The following BMPR1B variants were observed in gnomAD, a reference collection of about 807,000 sequenced individuals.
BMPR1B encodes the protein bone morphogenetic protein receptor type-1B.
BMPR1B carries 12 observed loss-of-function variants against 59.1 expected under a neutral mutation model. That is an observed-to-expected ratio of 0.20 (90% CI 0.13 to 0.33). The LOEUF (loss-of-function observed/expected upper bound fraction) is 0.33. Ranked by LOEUF, BMPR1B falls within the 10% of genes least tolerant of loss-of-function variation. The pLI is 1.00. For missense variants in BMPR1B, 550 were observed against 610.9 expected, an observed-to-expected ratio of 0.90 and a Z score of 1.05; for synonymous variants, 237 against 207.3, an observed-to-expected ratio of 1.14 and a Z score of -1.23.
At chr4:94,912,993 A>G (rs1337834883) in intron 2 of BMPR1B, among the ~76,000 whole-genome samples, 1 of 151,700 alleles carries the variant, frequency 6.6e-6, no homozygotes, top group African/African-American at 2.4e-5. Flanking sequence ...TTTCAATGTC[A>G]GTTTTTGTTA....
intron 2 of BMPR1B, among the ~76,000 whole-genome samples, chr4:94,985,190 A>G (rs1219139990): frequency 1.3e-5 from 2 of 152,168 alleles, no homozygotes; most frequent in Non-Finnish European, 2.9e-5. Context: ...CTCTGTTGCC[A>G]GAGGAGGTCT....
At position 95,129,957 on chromosome 4, in the gene BMPR1B, G is replaced by T. The variant is rs1200045028; in HGVS notation, c.681G>T (p.Lys227Asn). 1.9e-6 allele frequency: 3 copies of T among 1,614,016 alleles called. No individual in the cohort carries two copies. The highest frequency in any genetic ancestry group is 1.7e-5 in the Admixed American group (1 of 59,968). Residue 227 changes from lysine (K) to asparagine (N), a missense_variant, in exon 9 of 13, where the codon AAG becomes AAT. Coordinates refer to ENST00000515059, the MANE Select transcript of BMPR1B (RefSeq NM_001203.3). ...GGATGGGAAAGTGGCGTGGCGAAAAGGTAGCTGTGAAAGTGTTCTTCACCA... is the reference window on the plus strand; with the variant it reads ...GGATGGGAAAGTGGCGTGGCGAAAATGTAGCTGTGAAAGTGTTCTTCACCA... ...EVWMGKWRGEKVAVKVFFTTE... is the reference protein window; with the variant it reads ...EVWMGKWRGENVAVKVFFTTE...
intron 2 of BMPR1B, among the ~76,000 whole-genome samples, chr4:94,969,057 A>T (rs1730672228): frequency 6.6e-6 from 1 of 150,558 alleles, no homozygotes; most frequent in Admixed American, 6.6e-5. Flanking sequence ...TTTTTTTGAG[A>T]CGGAGTCTTG....
chr4:94,802,531 T>C (rs571948961), intron 1 of BMPR1B, among the ~76,000 whole-genome samples: 1 of 152,274 alleles, frequency 6.6e-6, no homozygotes, highest in South Asian at 2.1e-4. Flanking sequence ...TGCTGAACTT[T>C]AAGGGATGGT....
At chr4:95,119,411 T>C (rs1433677433) in intron 6 of BMPR1B, among the ~76,000 whole-genome samples, 4 of 152,182 alleles carry the variant, frequency 2.6e-5, no homozygotes, top group African/African-American at 9.7e-5. Flanking sequence ...GAGGGAGGAA[T>C]GGAGGAAAAA....
chr4:95,138,488 G>A (rs4583767), intron 10 of BMPR1B, among the ~76,000 whole-genome samples: 97,618 of 151,964 alleles, frequency 0.64, 31,840 homozygotes, highest in Middle Eastern at 0.75. Flanking sequence ...CCTGGATAAT[G>A]TCCTGAAGAG....
rs112233105 is a variant in BMPR1B at position 94,975,291 on chromosome 4, T to C, written c.-112-20749T>C. 6.4e-3 allele frequency among the ~76,000 whole-genome samples: 981 copies of C among 152,234 alleles called. 5 individuals are homozygous for C. Among genetic ancestry groups the C allele is most frequent in the Non-Finnish European group, 9.1e-3 (617 of 68,010 alleles). ...GAGATTGAGGTTTTTGTCTGGAGAC[T>C]TGGATAATTTAGTGATCAAATCTGA... is the stretch of plus-strand genomic sequence containing the variant. On this transcript the variant is annotated intron_variant, in intron 2 of 12. Coordinates refer to ENST00000515059, the MANE Select transcript of BMPR1B (RefSeq NM_001203.3).
chr4:95,145,432 T>G (rs1447481774), intron 10 of BMPR1B, among the ~76,000 whole-genome samples: 1 of 152,214 alleles, frequency 6.6e-6, no homozygotes, highest in Admixed American at 6.5e-5. Flanking sequence ...CACCCTGCCC[T>G]TTTCTGCCTC....
chr4:94,811,474 T>C (rs914593741), intron 1 of BMPR1B, among the ~76,000 whole-genome samples: 1 of 152,220 alleles, frequency 6.6e-6, no homozygotes, highest in African/African-American at 2.4e-5. Context: ...TCCTGCTGTT[T>C]GCTCGAATAG....
intron 3 of BMPR1B, among the ~76,000 whole-genome samples, chr4:95,080,627 G>GTAA (rs1359628555): frequency 6.6e-6 from 1 of 152,102 alleles, no homozygotes; most frequent in Non-Finnish European, 1.5e-5. Context: ...TGCCAACATA[G>GTAA]TAATATTAAC....
intron 3 of BMPR1B, among the ~76,000 whole-genome samples, chr4:95,006,697 A>C (rs1005434714): frequency 2.0e-5 from 3 of 151,628 alleles, no homozygotes; most frequent in Non-Finnish European, 4.4e-5. Context: ...GCACCACCAC[A>C]CCTGGCTAAT....
Position 95,131,222 on chromosome 4 carries a change from T to C in BMPR1B, c.786T>C (p.Ile262=). The change falls in exon 10 of 13, where the codon ATT becomes ATC. Residue 262 remains isoleucine, a synonymous_variant. Transcript: ENST00000515059. ...LMRHENILGF[I]AADIKGTGSW... is the part of the protein sequence containing the mutation. Reference sequence around the variant, plus strand: ...CATCTTTTTTCCTTTTAGGTTTCATTGCTGCAGATATCAAAGGGACAGGGT... The same window carrying C: ...CATCTTTTTTCCTTTTAGGTTTCATCGCTGCAGATATCAAAGGGACAGGGT... 1 of 1,613,780 alleles carries C rather than the reference T, an allele frequency of 6.2e-7. No homozygotes were observed. The highest frequency in any genetic ancestry group is 1.7e-4 in the Middle Eastern group (1 of 6,060).
At chr4:95,125,235 A>T (rs573995134) in intron 8 of BMPR1B, 114 bp downstream of exon 8, 1 of 1,344,976 alleles carries the variant, frequency 7.4e-7, no homozygotes, top group Non-Finnish European at 1.0e-6. Context: ...AGCTCTATGC[A>T]GTCTGTTGGA....
At position 94,865,979 on chromosome 4, in the gene BMPR1B, A is replaced by G. The variant is rs28411193; in HGVS notation, c.-182-9852A>G. Among the ~76,000 whole-genome samples, 1,135 of 152,292 alleles carry G rather than the reference A, an allele frequency of 7.5e-3. 17 individuals are homozygous for G. The highest frequency in any genetic ancestry group is 0.026 in the African/African-American group (1,084 of 41,546). ...TACTTACTGAGTACCCCCCAAGACAAACAAACAAGTACATGTCATAAAGTC... is the reference window on the plus strand; with the variant it reads ...TACTTACTGAGTACCCCCCAAGACAGACAAACAAGTACATGTCATAAAGTC... On this transcript the variant is annotated intron_variant, in intron 1 of 12. Transcript: ENST00000515059.
chr4:95,051,455 A>T (rs1334070614), intron 3 of BMPR1B, among the ~76,000 whole-genome samples: 5 of 152,012 alleles, frequency 3.3e-5, no homozygotes, highest in African/African-American at 1.2e-4. Context: ...TTTCTTAAGA[A>T]AACAATCCGG....
intron 2 of BMPR1B, among the ~76,000 whole-genome samples, chr4:94,963,769 G>A (rs752281864): frequency 8.7e-4 from 132 of 152,070 alleles, no homozygotes; most frequent in Admixed American, 3.4e-3. Flanking sequence ...ATCAGGTAAC[G>A]TGAAGCCCAT....
intron 1 of BMPR1B, among the ~76,000 whole-genome samples, chr4:94,781,603 G>T (rs1411808972): frequency 1.3e-5 from 2 of 152,016 alleles, no homozygotes; most frequent in African/African-American, 4.8e-5. Context: ...GTAGAGATGG[G>T]GTTTCACCAT....
chr4:95,002,388 C>T (rs1722512574), intron 3 of BMPR1B, among the ~76,000 whole-genome samples: 1 of 152,136 alleles, frequency 6.6e-6, no homozygotes, highest in Admixed American at 6.5e-5. Flanking sequence ...TGTTGATTGT[C>T]ACCTAGGTCG....
chr4:94,776,673 G>C (rs1056185789), intron 1 of BMPR1B, among the ~76,000 whole-genome samples: 3 of 152,156 alleles, frequency 2.0e-5, no homozygotes, highest in Non-Finnish European at 4.4e-5. Flanking sequence ...CTATTAAACT[G>C]TGCTTATTAA....
Sources: allele counts gnomAD v4.1 joint callset (sites outside exome capture counted in the v4.1 genomes callset), GRCh38; gene constraint gnomAD v4.1.1; transcripts MANE v1.5; gene names NCBI Gene and HGNC (gene_info 2026-07-23, HGNC 2026-07-21).